RPSA2: variants seen among roughly 807,000 people sequenced by gnomAD.
The protein encoded by RPSA2 is ribosomal protein SA 2.
At chr19:23,828,735 A>G in the RPSA2 span, among the ~76,000 whole-genome samples, 32 of 152,012 alleles carry the variant, frequency 2.1e-4, no homozygotes, top group African/African-American at 7.7e-4. Flanking sequence ...GATGTTGTTG[A>G]GGAGTGTTCT....
the RPSA2 span, chr19:23,833,164 T>C: frequency 1.7e-6 from 2 of 1,193,004 alleles, no homozygotes; most frequent in South Asian, 1.8e-5. Context: ...TGCCAATGCC[T>C]TTTCCTGGTC....
chr19:23,808,549 G>T, the RPSA2 span, among the ~76,000 whole-genome samples: 1 of 151,916 alleles, frequency 6.6e-6, no homozygotes, highest in African/African-American at 2.4e-5. Context: ...GAGCCACTGC[G>T]CCTGACCAAT....
the RPSA2 span, among the ~76,000 whole-genome samples, chr19:23,855,820 G>T: frequency 1.1e-4 from 16 of 152,156 alleles, no homozygotes; most frequent in African/African-American, 3.6e-4. Context: ...TGCAGTAGAT[G>T]GGGGATGGTC....
the RPSA2 span, among the ~76,000 whole-genome samples, chr19:23,843,467 A>T: frequency 6.6e-6 from 1 of 152,150 alleles, no homozygotes; most frequent in African/African-American, 2.4e-5. Flanking sequence ...TATGGACTCT[A>T]CTTCCTATTT....
chr19:23,850,196 G>A, the RPSA2 span, among the ~76,000 whole-genome samples: 3 of 150,856 alleles, frequency 2.0e-5, no homozygotes, highest in African/African-American at 4.9e-5. Flanking sequence ...CCATCCAGAT[G>A]AGAGGTCAAA....
At chr19:23,843,436 G>T in the RPSA2 span, among the ~76,000 whole-genome samples, 8 of 152,072 alleles carry the variant, frequency 5.3e-5, no homozygotes, top group Non-Finnish European at 1.0e-4. Flanking sequence ...AGCATCTTTT[G>T]TCCCATACCA....
At chr19:23,805,491 T>A in the RPSA2 span, among the ~76,000 whole-genome samples, 1 of 152,098 alleles carries the variant, frequency 6.6e-6, no homozygotes. Flanking sequence ...CCTAAATCAT[T>A]TCTGTTATAA....
chr19:23,797,325 G>T, the RPSA2 span, among the ~76,000 whole-genome samples: 1 of 152,076 alleles, frequency 6.6e-6, no homozygotes, highest in African/African-American at 2.4e-5. Flanking sequence ...GGCCAGGCTG[G>T]TCTCAAACTC....
chr19:23,808,990 T>G, the RPSA2 span: 1 of 192,216 alleles, frequency 5.2e-6, no homozygotes, highest in Non-Finnish European at 1.1e-5. Flanking sequence ...GTTTATAAAA[T>G]TTCTAAGAAT....
chr19:23,783,885 G>T, the RPSA2 span, among the ~76,000 whole-genome samples: 1 of 152,278 alleles, frequency 6.6e-6, no homozygotes, highest in East Asian at 1.9e-4. Flanking sequence ...GCATGCAGGT[G>T]ATCTTACTCT....
At chr19:23,822,228 C>T in the RPSA2 span, among the ~76,000 whole-genome samples, 1 of 152,162 alleles carries the variant, frequency 6.6e-6, no homozygotes, top group Non-Finnish European at 1.5e-5. Context: ...TTCTTAGTAC[C>T]TTTGCAGGCG....
chr19:23,786,763 CTT>C, the RPSA2 span, among the ~76,000 whole-genome samples: 1 of 152,008 alleles, frequency 6.6e-6, no homozygotes, highest in African/African-American at 2.4e-5. Context: ...TGACTCTCCT[CTT>C]TTTTTCAGGC....
the RPSA2 span, among the ~76,000 whole-genome samples, chr19:23,790,164 A>G: frequency 6.6e-6 from 1 of 151,792 alleles, no homozygotes; most frequent in African/African-American, 2.4e-5. Flanking sequence ...GTGCCCGGCT[A>G]CTTTTTGTAT....
the RPSA2 span, among the ~76,000 whole-genome samples, chr19:23,853,193 T>C: frequency 1.3e-5 from 2 of 152,238 alleles, no homozygotes; most frequent in African/African-American, 2.4e-5. Context: ...CACAATACGA[T>C]TTATGTAAAG....
At chr19:23,787,777 A>G in the RPSA2 span, among the ~76,000 whole-genome samples, 1 of 152,174 alleles carries the variant, frequency 6.6e-6, no homozygotes, top group Non-Finnish European at 1.5e-5. Flanking sequence ...CCTGCAGGAA[A>G]GATGGTGAAA....
At chr19:23,819,802 A>C in the RPSA2 span, among the ~76,000 whole-genome samples, 1 of 152,022 alleles carries the variant, frequency 6.6e-6, no homozygotes, top group Non-Finnish European at 1.5e-5. Context: ...TTCTTGGCAA[A>C]ATTTTTTTAG....
chr19:23,840,086 CAG>C, the RPSA2 span, among the ~76,000 whole-genome samples: 3 of 149,626 alleles, frequency 2.0e-5, no homozygotes, highest in African/African-American at 7.4e-5. Context: ...GAGAAGGAAT[CAG>C]AGAAGAGAGA....
chr19:23,855,547 G>A, the RPSA2 span, among the ~76,000 whole-genome samples: 1 of 152,186 alleles, frequency 6.6e-6, no homozygotes, highest in South Asian at 2.1e-4. Context: ...GGCATAATAA[G>A]CGTTGGGTGG....
the RPSA2 span, among the ~76,000 whole-genome samples, chr19:23,863,248 A>T: frequency 6.6e-6 from 1 of 152,204 alleles, no homozygotes; most frequent in Non-Finnish European, 1.5e-5. Context: ...GCTTTAGATT[A>T]AACTTAGAAG....
Sources: gnomAD v4.1 joint callset for allele counts (sites outside exome capture counted in the v4.1 genomes callset) on GRCh38, gnomAD v4.1.1 for gene constraint, MANE v1.5 for transcripts, NCBI Gene and HGNC (gene_info 2026-07-23, HGNC 2026-07-21) for gene names.